RFX7: variants seen among roughly 807,000 people sequenced by gnomAD.
RFX7 encodes the protein regulatory factor X7.
RFX7 carries 26 observed loss-of-function variants against 111.8 expected under a neutral mutation model. The observed-to-expected ratio is 0.23, with a 90% CI of 0.17 to 0.32. The LOEUF is 0.32. RFX7 is among the 10% of genes least tolerant of loss of function. The pLI is 1.00. For missense variants in RFX7, 1,573 were observed against 1,772.9 expected, an observed-to-expected ratio of 0.89 and a Z score of 2.02; for synonymous variants, 624 against 624.4, an observed-to-expected ratio of 1.00 and a Z score of 0.01.
At chr15:56,190,428 A>G (rs1208487049) in intron 2 of RFX7, among the ~76,000 whole-genome samples, 1 of 152,184 alleles carries the variant, frequency 6.6e-6, no homozygotes, top group Non-Finnish European at 1.5e-5. Context: ...ACTAATCAAC[A>G]TGGGGATATT....
rs1033769450 is a variant in RFX7, at chr15:56,171,635, C to T, written c.195+7635G>A. 2.6e-5 allele frequency among the ~76,000 whole-genome samples: 4 copies of T among 152,212 alleles called. No homozygotes were observed. In the Middle Eastern group the frequency reaches 0.01, roughly 388 times the overall value. ...AACTTAGTTTTATCCCCGTGAAACC[C>T]ATGTCAGACTGCTGGCACACAGAAG... On this transcript the variant is annotated intron_variant, in intron 3 of 9. Transcript: ENST00000559447.
chr15:56,098,193 T>C lies in RFX7; in HGVS notation c.995A>G (p.Lys332Arg). Residue 332 changes from lysine to arginine, a missense_variant, in exon 9 of 10, where the codon AAG becomes AGG. Around this residue, in one of 7 missense-constraint regions of RFX7, gnomAD observed 288 missense variants for 337.9 expected, o/e 0.85. Transcript: ENST00000559447. ...SPLPGESAAK[K>R]SESATSNGVT... ...TCCATTGCTTGTAGCACTTTCTGAC[T>C]TTTTTGCTGCAGATTCTCCTGGCAA... 1.9e-6 allele frequency: 3 copies of C among 1,613,984 alleles called. No individual in the cohort carries two copies. The highest frequency in any genetic ancestry group is 2.5e-6 in the Non-Finnish European group (3 of 1,179,844).
At position 56,201,973 on chromosome 15, in the gene RFX7, G is replaced by A. The variant is rs1348152374; in HGVS notation, c.162-22670C>T. 3.9e-5 allele frequency among the ~76,000 whole-genome samples: 6 copies of A among 152,276 alleles called. No homozygotes were observed. The East Asian group carries it at 7.7e-4, about 20-fold the overall frequency. On this transcript the variant is annotated intron_variant, in intron 2 of 9. Transcript: ENST00000559447. ...ATGAACCTGGGAGGCAGAGCTTGCAGTGAGCTGAGATCGCGTCACTGCACT... is the reference window on the plus strand; with the variant it reads ...ATGAACCTGGGAGGCAGAGCTTGCAATGAGCTGAGATCGCGTCACTGCACT...
chr15:56,202,755 T>A (rs2043206087), intron 2 of RFX7, among the ~76,000 whole-genome samples: 1 of 152,204 alleles, frequency 6.6e-6, no homozygotes, highest in Non-Finnish European at 1.5e-5. Flanking sequence ...GAGGCTGCAG[T>A]GAGCTATCAT....
At chr15:56,136,851 T>C (rs1433459188) in intron 5 of RFX7, among the ~76,000 whole-genome samples, 8 of 146,408 alleles carry the variant, frequency 5.5e-5, no homozygotes, top group South Asian at 2.3e-4. Flanking sequence ...TGTCAAAGGC[T>C]TTTTCTGCAT....
At chr15:56,149,762 G>A (rs1163322039) in intron 3 of RFX7, among the ~76,000 whole-genome samples, 1 of 151,950 alleles carries the variant, frequency 6.6e-6, no homozygotes, top group Non-Finnish European at 1.5e-5. Flanking sequence ...GCACAGAACT[G>A]GCTGGCCAAT....
intron 2 of RFX7, among the ~76,000 whole-genome samples, chr15:56,203,311 A>T (rs2043213361): frequency 1.3e-5 from 2 of 152,242 alleles, no homozygotes; most frequent in Non-Finnish European, 2.9e-5. Context: ...TAATATCTGT[A>T]GGTAACCCAC....
chr15:56,131,420 C>T (rs1365680261), intron 5 of RFX7, among the ~76,000 whole-genome samples: 1 of 152,042 alleles, frequency 6.6e-6, no homozygotes, highest in Non-Finnish European at 1.5e-5. Flanking sequence ...GTGCATGCCA[C>T]CATGCCCAGC....
intron 2 of RFX7, among the ~76,000 whole-genome samples, chr15:56,236,126 T>C (rs968090409): frequency 5.3e-5 from 8 of 152,212 alleles, no homozygotes; most frequent in Non-Finnish European, 8.8e-5. Context: ...GCTACGGTAA[T>C]AGATGCCTGA....
intron 5 of RFX7, among the ~76,000 whole-genome samples, chr15:56,124,685 G>A (rs1484732056): frequency 6.6e-6 from 1 of 152,060 alleles, no homozygotes; most frequent in Non-Finnish European, 1.5e-5. Flanking sequence ...CATGTCCTTT[G>A]CCCATTTAAC....
chr15:56,107,984 C>G (rs146190019), intron 5 of RFX7, among the ~76,000 whole-genome samples: 208 of 152,258 alleles, frequency 1.4e-3, no homozygotes, highest in African/African-American at 4.8e-3. Flanking sequence ...TGGACACATA[C>G]ACCCTCCCAA....
At chr15:56,200,233 T>C (rs554092153) in intron 2 of RFX7, among the ~76,000 whole-genome samples, 3 of 152,128 alleles carry the variant, frequency 2.0e-5, no homozygotes, top group Non-Finnish European at 4.4e-5. Flanking sequence ...AATAATGAAA[T>C]GAAAACATGA....
chr15:56,180,876 C>T (rs1169419548), intron 2 of RFX7, among the ~76,000 whole-genome samples: 1 of 152,014 alleles, frequency 6.6e-6, no homozygotes, highest in Non-Finnish European at 1.5e-5. Context: ...GAGATTGTGC[C>T]ACTGTACTCC....
rs1305951909 is a variant in RFX7, at chr15:56,179,747, CCTCT to C, written c.162-448_162-445del. ...TGATACATAAAAGATTCTGTTCCCT[CCTCT>C]CTCTGTCTCAACACACACACACACA... is the stretch of plus-strand genomic sequence containing the variant. On this transcript the variant is annotated intron_variant, in intron 2 of 9. Transcript: ENST00000559447. 1.3e-4 allele frequency among the ~76,000 whole-genome samples: 18 copies of C among 143,166 alleles called. No homozygotes were observed. In the South Asian group the frequency reaches 1.6e-3, roughly 12 times the overall value. The allele number at this position is 143,166 out of a possible 152,430, so 93.9% of individuals were successfully genotyped here.
chr15:56,108,753 A>G (rs2041865233), intron 5 of RFX7, among the ~76,000 whole-genome samples: 1 of 152,240 alleles, frequency 6.6e-6, no homozygotes, highest in Non-Finnish European at 1.5e-5. Flanking sequence ...GACAAAGTCA[A>G]ACTGTCTCTG....
intron 2 of RFX7, among the ~76,000 whole-genome samples, chr15:56,232,778 G>T (rs2043579277): frequency 6.6e-6 from 1 of 152,154 alleles, no homozygotes; most frequent in South Asian, 2.1e-4. Context: ...CTCTAGGGCA[G>T]GGGTAAAATG....
intron 5 of RFX7, among the ~76,000 whole-genome samples, chr15:56,129,278 G>C (rs906740057): frequency 9.2e-5 from 14 of 151,888 alleles, no homozygotes; most frequent in Non-Finnish European, 1.6e-4. Flanking sequence ...GGGAGGCTGA[G>C]GCAGAAATAT....
In RFX7 at chr15:56,153,114, C is replaced by T. The variant is rs139593672; in HGVS notation, c.196-8631G>A. Among the ~76,000 whole-genome samples the T allele has an allele frequency of 7.3e-3, 1,106 of 152,184 alleles. 11 individuals carry two copies. The highest frequency in any genetic ancestry group is 0.026 in the African/African-American group (1,071 of 41,524). On this transcript the variant is annotated intron_variant, in intron 3 of 9. Transcript: ENST00000559447. ...GTCCATGACCAGACGGATTCACAGC[C>T]GAATTCTACCAGAGGTACAAAGAGG...
chr15:56,122,574 A>G (rs1187096903), intron 5 of RFX7, among the ~76,000 whole-genome samples: 1 of 152,110 alleles, frequency 6.6e-6, no homozygotes, highest in African/African-American at 2.4e-5. Context: ...GGGCTCTACA[A>G]TCAGCAGTTT....
Sources: allele counts gnomAD v4.1 joint callset (sites outside exome capture counted in the v4.1 genomes callset), GRCh38; gene constraint gnomAD v4.1.1; regional missense constraint gnomAD v4.1.1; transcripts MANE v1.5; gene names NCBI Gene and HGNC (gene_info 2026-07-23, HGNC 2026-07-21).